Variants in TRPC5 observed in about 807,000 individuals in gnomAD.
The protein encoded by TRPC5 is transient receptor potential cation channel subfamily C member 5, also known as short transient receptor potential channel 5.
In TRPC5, 9 loss-of-function variants were observed where a neutral mutation model predicts 56.5. The ratio of observed to expected loss-of-function variants is 0.16; its 90% CI spans 0.10 to 0.28. TRPC5 has a LOEUF of 0.28. Ranked by LOEUF, TRPC5 falls within the 10% of genes least tolerant of loss-of-function variation. The pLI is 1.00. For synonymous variants in TRPC5, 282 were observed against 278.5 expected (o/e 1.01, Z -0.13); for missense variants, 469 against 748.9 (o/e 0.63, Z 4.36).
chrX:112,038,713 G>A (rs1250772390), intron 1 of TRPC5, among the ~76,000 whole-genome samples: 1 of 107,637 alleles, frequency 9.3e-6, no homozygotes, highest in African/African-American at 3.4e-5. Context: ...ACAGAGTCTC[G>A]CTCTGTCGCC....
At chrX:111,970,775 G>GTTTT (rs761229610) in intron 1 of TRPC5, among the ~76,000 whole-genome samples, 7,780 of 92,894 alleles carry the variant, frequency 0.084, 382 homozygotes, top group Non-Finnish European at 0.11. Context: ...TCACATTACC[G>GTTTT]TTTTTTTTTT....
chrX:111,832,787 G>A (rs1470890878), intron 7 of TRPC5, among the ~76,000 whole-genome samples: 3 of 111,268 alleles, frequency 2.7e-5, no homozygotes, highest in Non-Finnish European at 5.6e-5. Flanking sequence ...GCAGTAGGTG[G>A]CATTAAAACA....
At chrX:111,987,307 AAC>A (rs1255911629) in intron 1 of TRPC5, among the ~76,000 whole-genome samples, 1 of 111,909 alleles carries the variant, frequency 8.9e-6, no homozygotes, top group Admixed American at 9.5e-5. Context: ...AAATTAACAT[AAC>A]AGTCATCTCA....
intron 3 of TRPC5, chrX:111,901,907 T>C: frequency 8.7e-7 from 1 of 1,153,849 alleles, no homozygotes; most frequent in Non-Finnish European, 1.1e-6. Flanking sequence ...TGTAGCCCAG[T>C]TAATAAGAAT....
At chrX:111,808,413 C>T (rs1921594443) in intron 7 of TRPC5, among the ~76,000 whole-genome samples, 2 of 110,569 alleles carry the variant, frequency 1.8e-5, no homozygotes, top group Non-Finnish European at 3.8e-5. Context: ...AGTCTTTCCC[C>T]ATGGCCACCA....
At chrX:112,045,641 G>T (rs1929998883) in intron 1 of TRPC5, among the ~76,000 whole-genome samples, 2 of 112,144 alleles carry the variant, frequency 1.8e-5, no homozygotes, top group South Asian at 7.4e-4. Context: ...TTTGCAAGGA[G>T]TAATCATTAT....
chrX:111,783,505 C>T (rs146839466), intron 7 of TRPC5, among the ~76,000 whole-genome samples: 102 of 110,856 alleles, frequency 9.2e-4, no homozygotes, highest in Non-Finnish European at 1.5e-3. Flanking sequence ...TTATAATTTG[C>T]GTTTCCCAAA....
intron 1 of TRPC5, among the ~76,000 whole-genome samples, chrX:112,019,744 G>A (rs973510554): frequency 9.0e-6 from 1 of 111,667 alleles, no homozygotes; most frequent in Non-Finnish European, 1.9e-5. Context: ...CAATAACTCC[G>A]CCATTTTTCA....
intron 7 of TRPC5, among the ~76,000 whole-genome samples, chrX:111,804,104 G>A (rs1921413241): frequency 8.9e-6 from 1 of 112,194 alleles, no homozygotes; most frequent in Non-Finnish European, 1.9e-5. Flanking sequence ...TTATTAAATA[G>A]GGAATCCTTT....
rs1945865252 is a variant in TRPC5, at chrX:111,774,782, TTAATC to T, written c.*1526_*1530del. 9.0e-6 allele frequency: 1 copy of T among 111,064 alleles called. No homozygotes were observed. Among genetic ancestry groups the T allele is most frequent in the African/African-American group, 3.3e-5 (1 of 30,510 alleles). The allele number at this position is 111,064 out of a possible 1,213,427, so 9.2% of individuals were successfully genotyped here. A position where few individuals can be genotyped will look rare whatever the true frequency, so the allele number is the denominator to read the frequency against. On this transcript the variant is annotated 3_prime_UTR_variant, in exon 11 of 11. Coordinates refer to ENST00000262839, the MANE Select transcript of TRPC5 (RefSeq NM_012471.3). Reference sequence around the variant, plus strand: ...TTACTTTTATCAGAAATTACATACATTAATCTAAATGGATTCCTATTGGTGTTGAC... The same window carrying T: ...TTACTTTTATCAGAAATTACATACATTAAATGGATTCCTATTGGTGTTGAC...
rs372924723 is a variant in TRPC5 at position 112,051,302 on chromosome X, G to A, written c.-22+30577C>T. ...TACCTACTGCTGCTAGTATGTGGGT[G>A]CCTCACCACAGAGGCATTACCACAG... On this transcript the variant is annotated intron_variant, in intron 1 of 10. Coordinates refer to ENST00000262839, the MANE Select transcript of TRPC5 (RefSeq NM_012471.3). Among the ~76,000 whole-genome samples the A allele has an allele frequency of 2.6e-4, 29 of 112,182 alleles. 1 individual carries two copies. Among genetic ancestry groups the A allele is most frequent in the African/African-American group, 9.4e-4 (29 of 30,865 alleles).
intron 1 of TRPC5, among the ~76,000 whole-genome samples, chrX:112,054,692 T>C (rs1006778997): frequency 1.8e-5 from 2 of 110,942 alleles, no homozygotes; most frequent in African/African-American, 6.6e-5. Flanking sequence ...AACCCAAAAG[T>C]CTACCTGTCT....
intron 2 of TRPC5, among the ~76,000 whole-genome samples, chrX:111,922,875 C>T (rs759937516): frequency 1.8e-5 from 2 of 111,953 alleles, no homozygotes; most frequent in Non-Finnish European, 3.8e-5. Flanking sequence ...GCCTAAGCAG[C>T]AGGGATAAAA....
intron 1 of TRPC5, among the ~76,000 whole-genome samples, chrX:112,014,727 C>T (rs894525372): frequency 8.9e-6 from 1 of 111,934 alleles, no homozygotes; most frequent in African/African-American, 3.2e-5. Context: ...TCCTAGCACT[C>T]CCCTGATCCA....
intron 1 of TRPC5, among the ~76,000 whole-genome samples, chrX:112,001,381 G>T (rs1264335564): frequency 8.9e-6 from 1 of 112,196 alleles, no homozygotes; most frequent in Non-Finnish European, 1.9e-5. Context: ...ACATTATTGG[G>T]TTGTAGTGAG....
At chrX:111,917,144 T>C (rs1270699311) in intron 2 of TRPC5, among the ~76,000 whole-genome samples, 1 of 111,750 alleles carries the variant, frequency 8.9e-6, no homozygotes, top group Non-Finnish European at 1.9e-5. Flanking sequence ...AAATATCCTG[T>C]TTTGTGTGTT....
At chrX:111,940,357 C>A (rs1332004179) in intron 2 of TRPC5, among the ~76,000 whole-genome samples, 1 of 111,767 alleles carries the variant, frequency 8.9e-6, no homozygotes, top group Admixed American at 9.5e-5. Context: ...AAGGCCATGT[C>A]TGGCAAGCAT....
intron 2 of TRPC5, among the ~76,000 whole-genome samples, chrX:111,937,101 A>T (rs1463441570): frequency 0.023 from 2,292 of 97,942 alleles, 136 homozygotes; most frequent in African/African-American, 0.051. Context: ...CCAGTGATGG[A>T]GAGCATTTTT....
At chrX:111,781,524 G>A (rs773832356) in intron 8 of TRPC5, among the ~76,000 whole-genome samples, 2 of 111,836 alleles carry the variant, frequency 1.8e-5, no homozygotes, top group African/African-American at 6.5e-5. Flanking sequence ...AGGAGTTCAA[G>A]ACCAGCCTGG....
Sources: gnomAD v4.1 joint callset for allele counts (sites outside exome capture counted in the v4.1 genomes callset) on GRCh38, gnomAD v4.1.1 for gene constraint, MANE v1.5 for transcripts, NCBI Gene and HGNC (gene_info 2026-07-23, HGNC 2026-07-21) for gene names.